MANBAL: variants seen among roughly 807,000 people sequenced by gnomAD.
MANBAL encodes the protein protein MANBAL.
Under a neutral mutation model 6.4 loss-of-function variants are expected in MANBAL, and 1 was observed. The ratio of observed to expected loss-of-function variants is 0.16; its 90% CI spans 0.06 to 0.74. The LOEUF is 0.74. Ranked by LOEUF, MANBAL falls within the 30% of genes least tolerant of loss-of-function variation. MANBAL has a pLI of 0.78. For missense variants in MANBAL, 100 were observed against 107.8 expected (o/e 0.93, Z 0.32); for synonymous variants, 47 against 45.8 (o/e 1.03, Z -0.10).
intron 2 of MANBAL, among the ~76,000 whole-genome samples, chr20:37,309,066 G>A (rs1302262013): frequency 6.6e-6 from 1 of 152,156 alleles, no homozygotes; most frequent in Non-Finnish European, 1.5e-5. Context: ...CAGCTTCCCC[G>A]AATGGAAACA....
chr20:37,298,147 T>C (rs1032145235), intron 1 of MANBAL, among the ~76,000 whole-genome samples: 6 of 152,154 alleles, frequency 3.9e-5, no homozygotes, highest in Non-Finnish European at 7.3e-5. Flanking sequence ...GTTTGTGCCA[T>C]TGTACTCCAG....
Position 37,307,895 on chromosome 20 carries a change from C to T in MANBAL, c.150+6482C>T, listed in dbSNP as rs371706310. Among the ~76,000 whole-genome samples, 35 of 152,246 alleles carry T rather than the reference C, an allele frequency of 2.3e-4. No homozygotes were observed. The South Asian group carries it at 3.5e-3, about 15-fold the overall frequency. ...ATACCCAACCTGTTGAAGTAGTTTCCGTGCAATGTAGATAGACTGAGAAGG... is the reference window on the plus strand; with the variant it reads ...ATACCCAACCTGTTGAAGTAGTTTCTGTGCAATGTAGATAGACTGAGAAGG... On this transcript the variant is annotated intron_variant, in intron 2 of 2. Transcript: ENST00000373606.
chr20:37,304,524 TC>T (rs1044258027), intron 2 of MANBAL, among the ~76,000 whole-genome samples: 3 of 152,320 alleles, frequency 2.0e-5, no homozygotes, highest in African/African-American at 4.8e-5. Flanking sequence ...ATATTTATAT[TC>T]CCCCCTTCAT....
chr20:37,291,491 G>A (rs2068868967), intron 1 of MANBAL, among the ~76,000 whole-genome samples: 1 of 152,156 alleles, frequency 6.6e-6, no homozygotes, highest in Non-Finnish European at 1.5e-5. Flanking sequence ...GAACTTGAGG[G>A]TTTTGAAGAT....
chr20:37,309,853 CA>C (rs201085093), intron 2 of MANBAL, among the ~76,000 whole-genome samples: 2,222 of 152,310 alleles, frequency 0.015, 25 homozygotes, highest in Middle Eastern at 0.048. Flanking sequence ...CACCTCAGGA[CA>C]CAGACTCACA....
chr20:37,301,681 T>C (rs1045605512), intron 2 of MANBAL, among the ~76,000 whole-genome samples: 2 of 152,240 alleles, frequency 1.3e-5, no homozygotes, highest in African/African-American at 4.8e-5. Flanking sequence ...CATCTAGTCC[T>C]TGGGAGGAAG....
intron 1 of MANBAL, among the ~76,000 whole-genome samples, chr20:37,300,629 C>T (rs1335725491): frequency 2.0e-5 from 3 of 152,100 alleles, no homozygotes; most frequent in Non-Finnish European, 2.9e-5. Flanking sequence ...AACGTAGCAG[C>T]CTTTAGTAAA....
chr20:37,307,148 T>G (rs1736498341), intron 2 of MANBAL, among the ~76,000 whole-genome samples: 1 of 152,068 alleles, frequency 6.6e-6, no homozygotes, highest in South Asian at 2.1e-4. Flanking sequence ...AATTTTTTTG[T>G]AGAGACACGG....
chr20:37,311,116 G>A (rs1323968136), intron 2 of MANBAL, among the ~76,000 whole-genome samples: 4 of 152,220 alleles, frequency 2.6e-5, no homozygotes, highest in Non-Finnish European at 4.4e-5. Context: ...GGCTCGTGGT[G>A]GCTGGCTCAC....
In MANBAL at chr20:37,315,343, C is replaced by T. The variant is rs766982476; in HGVS notation, c.151-965C>T. On this transcript the variant is annotated intron_variant, in intron 2 of 2. Coordinates refer to ENST00000373606, the MANE Select transcript of MANBAL (RefSeq NM_001003897.2). ...GGGCTAGCCCGGCCTCTCTGACGTC[C>T]GTCCTTTCTGGCCACGGCACACTGC... Among the ~76,000 whole-genome samples the T allele has an allele frequency of 4.6e-5, 7 of 152,180 alleles. 1 individual carries two copies. The highest frequency in any genetic ancestry group is 7.3e-5 in the Non-Finnish European group (5 of 68,038).
chr20:37,299,374 C>A (rs922520355), intron 1 of MANBAL, among the ~76,000 whole-genome samples: 10 of 152,188 alleles, frequency 6.6e-5, no homozygotes, highest in African/African-American at 1.9e-4. Flanking sequence ...CCACTGCAAT[C>A]GTTTCAGCAT....
intron 1 of MANBAL, among the ~76,000 whole-genome samples, chr20:37,290,151 G>T (rs1032843651): frequency 1.3e-5 from 2 of 152,246 alleles, no homozygotes; most frequent in African/African-American, 4.8e-5. Context: ...TGAATGTAAA[G>T]CCCTTAGTAG....
intron 1 of MANBAL, among the ~76,000 whole-genome samples, chr20:37,292,901 A>T (rs1055270110): frequency 1.1e-4 from 16 of 152,216 alleles, no homozygotes; most frequent in African/African-American, 3.9e-4. Flanking sequence ...TCTGGGCTCT[A>T]GGTATGCTCA....
At chr20:37,311,008 C>T (rs112777732) in intron 2 of MANBAL, among the ~76,000 whole-genome samples, 1 of 152,126 alleles carries the variant, frequency 6.6e-6, no homozygotes, top group Non-Finnish European at 1.5e-5. Context: ...ACCCCAGGGC[C>T]CAGGTCATGT....
At chr20:37,290,020 T>A (rs2146774616) in intron 1 of MANBAL, among the ~76,000 whole-genome samples, 1 of 152,332 alleles carries the variant, frequency 6.6e-6, no homozygotes, top group Middle Eastern at 3.4e-3. Context: ...AGAGTGAATC[T>A]GGCCAGGGTT....
chr20:37,307,955 G>A (rs1427114729), intron 2 of MANBAL, among the ~76,000 whole-genome samples: 8 of 152,146 alleles, frequency 5.3e-5, no homozygotes, highest in South Asian at 2.1e-4. Context: ...GAGCAGGAGC[G>A]CCGCAGGGCC....
At chr20:37,291,699 A>G (rs993792117) in intron 1 of MANBAL, among the ~76,000 whole-genome samples, 1 of 152,118 alleles carries the variant, frequency 6.6e-6, no homozygotes, top group Admixed American at 6.5e-5. Context: ...GTGGGAGACA[A>G]TTGAATCATG....
rs151065317 is a variant in MANBAL, at chr20:37,300,136, A to C, written c.-56-1072A>C. ...GTCAGATCATGTCACTTTTCTGCTCAAAACCCTTCAGTGGCTTTACATTTT... is the reference window on the plus strand; with the variant it reads ...GTCAGATCATGTCACTTTTCTGCTCCAAACCCTTCAGTGGCTTTACATTTT... On this transcript the variant is annotated intron_variant, in intron 1 of 2. Coordinates refer to ENST00000373606, the MANE Select transcript of MANBAL (RefSeq NM_001003897.2). Among the ~76,000 whole-genome samples the C allele has an allele frequency of 8.1e-3, 1,233 of 152,262 alleles. 14 individuals carry two copies. Among genetic ancestry groups the C allele is most frequent in the African/African-American group, 0.028 (1,157 of 41,538 alleles).
At chr20:37,302,118 T>G (rs1309779226) in intron 2 of MANBAL, among the ~76,000 whole-genome samples, 4 of 152,216 alleles carry the variant, frequency 2.6e-5, no homozygotes, top group African/African-American at 7.2e-5. Flanking sequence ...TACACCCTCC[T>G]TCTACCCACT....
Sources: allele counts gnomAD v4.1 joint callset (sites outside exome capture counted in the v4.1 genomes callset), GRCh38; gene constraint gnomAD v4.1.1; transcripts MANE v1.5; gene names NCBI Gene and HGNC (gene_info 2026-07-23, HGNC 2026-07-21).